The following FAM222B variants were observed in gnomAD, a reference collection of about 807,000 sequenced individuals.
FAM222B encodes the protein family with sequence similarity 222 member B, also known as protein FAM222B.
Under a neutral mutation model 38.0 loss-of-function variants are expected in FAM222B, and 12 were observed. The observed-to-expected ratio is 0.32, with a 90% CI of 0.20 to 0.51. The LOEUF (loss-of-function observed/expected upper bound fraction) is 0.51, where lower values mean the gene tolerates loss of function less well. FAM222B is among the 20% of genes least tolerant of loss of function. FAM222B has a pLI of 0.97. For missense variants in FAM222B, 716 were observed against 754.2 expected, an observed-to-expected ratio of 0.95 and a Z score of 0.59; for synonymous variants, 329 against 317.2, an observed-to-expected ratio of 1.04 and a Z score of -0.40.
chr17:28,840,209 A>AT (rs1326295086), intron 1 of FAM222B, among the ~76,000 whole-genome samples: 1 of 151,952 alleles, frequency 6.6e-6, no homozygotes. Flanking sequence ...TCTACTAAAA[A>AT]TACAAAAACT....
intron 1 of FAM222B, among the ~76,000 whole-genome samples, chr17:28,820,046 T>C (rs932687986): frequency 6.6e-6 from 1 of 152,186 alleles, no homozygotes; most frequent in African/African-American, 2.4e-5. Flanking sequence ...CCAACCTGCA[T>C]AAAGCTAAAA....
At chr17:28,837,343 T>C (rs980125948) in intron 1 of FAM222B, among the ~76,000 whole-genome samples, 1 of 141,580 alleles carries the variant, frequency 7.1e-6, no homozygotes, top group African/African-American at 2.7e-5. Flanking sequence ...GGCAGGAGAA[T>C]GGCGTGAACC....
chr17:28,770,085 ACTC>A (rs2035550171), intron 1 of FAM222B, among the ~76,000 whole-genome samples: 2 of 151,324 alleles, frequency 1.3e-5, no homozygotes, highest in Admixed American at 6.6e-5. Context: ...CCTGTTGTTA[ACTC>A]CTCTATTTCC....
intron 1 of FAM222B, among the ~76,000 whole-genome samples, chr17:28,801,759 T>C (rs1284891307): frequency 6.6e-6 from 1 of 152,104 alleles, no homozygotes; most frequent in Non-Finnish European, 1.5e-5. Flanking sequence ...ACAGACTTGA[T>C]ATATCTTTCC....
chr17:28,809,714 C>T (rs1346294799), intron 1 of FAM222B, among the ~76,000 whole-genome samples: 1 of 152,112 alleles, frequency 6.6e-6, no homozygotes, highest in Non-Finnish European at 1.5e-5. Flanking sequence ...CAGTGGCTCA[C>T]ACCTTAATCC....
At chr17:28,854,449 G>A (rs2039210185) in intron 1 of FAM222B, among the ~76,000 whole-genome samples, 1 of 152,166 alleles carries the variant, frequency 6.6e-6, no homozygotes, top group Non-Finnish European at 1.5e-5. Context: ...AAGGCTTACA[G>A]GAGGGAAATC....
At chr17:28,847,066 A>G (rs1185316811), upstream of FAM222B, among the ~76,000 whole-genome samples, 1 of 151,486 alleles carries the variant, frequency 6.6e-6, no homozygotes, top group East Asian at 1.9e-4. Flanking sequence ...TCTACTAAAA[A>G]TACCAAATTA....
intron 1 of FAM222B, among the ~76,000 whole-genome samples, chr17:28,788,890 C>T (rs906690941): frequency 6.6e-6 from 1 of 151,434 alleles, no homozygotes; most frequent in South Asian, 2.1e-4. Flanking sequence ...TACAGATGCC[C>T]GCCACCACAC....
At chr17:28,810,616 G>C (rs1035495916) in intron 1 of FAM222B, among the ~76,000 whole-genome samples, 1 of 152,100 alleles carries the variant, frequency 6.6e-6, no homozygotes, top group Non-Finnish European at 1.5e-5. Context: ...CAACATCTGG[G>C]GGATCCCCTT....
chr17:28,807,385 T>C (rs2037544989), intron 1 of FAM222B, among the ~76,000 whole-genome samples: 1 of 151,754 alleles, frequency 6.6e-6, no homozygotes, highest in South Asian at 2.1e-4. Flanking sequence ...TGTGTTTTTT[T>C]GTTTGTTTGT....
chr17:28,806,576 T>C (rs564300872), intron 1 of FAM222B, among the ~76,000 whole-genome samples: 1 of 152,290 alleles, frequency 6.6e-6, no homozygotes, highest in African/African-American at 2.4e-5. Context: ...GGCAATATAA[T>C]TGGGACGGCA....
intron 1 of FAM222B, among the ~76,000 whole-genome samples, chr17:28,792,471 C>T (rs2036744571): frequency 6.6e-6 from 1 of 151,834 alleles, no homozygotes; most frequent in East Asian, 1.9e-4. Flanking sequence ...CAGAGTGAGA[C>T]CCTGTCTCAA....
chr17:28,811,004 A>T (rs763786963), intron 1 of FAM222B, among the ~76,000 whole-genome samples: 13 of 152,190 alleles, frequency 8.5e-5, no homozygotes, highest in Non-Finnish European at 1.9e-4. Flanking sequence ...TGGGAAACTG[A>T]ACCTGTATTA....
chr17:28,784,105 G>C (rs1002623604), intron 1 of FAM222B, among the ~76,000 whole-genome samples: 2 of 152,036 alleles, frequency 1.3e-5, no homozygotes, highest in African/African-American at 4.8e-5. Context: ...ACCTGGCCGA[G>C]ATTATTTTGA....
intron 1 of FAM222B, among the ~76,000 whole-genome samples, chr17:28,833,009 T>TAAAAAAAAAAA (rs779596504): frequency 1.1e-5 from 1 of 90,800 alleles, no homozygotes. Context: ...CTGTCTCTAT[T>TAAAAAAAAAAA]AAAAAAAAAA....
chr17:28,782,315 C>T (rs1475612118), intron 1 of FAM222B, among the ~76,000 whole-genome samples: 1 of 151,916 alleles, frequency 6.6e-6, no homozygotes, highest in Non-Finnish European at 1.5e-5. Context: ...CAGTGAGACC[C>T]TGTCTTAAAA....
intron 1 of FAM222B, among the ~76,000 whole-genome samples, chr17:28,825,790 T>G (rs563603354): frequency 6.6e-6 from 1 of 152,318 alleles, no homozygotes; most frequent in African/African-American, 2.4e-5. Context: ...TTTGTTTTAT[T>G]TTTGAGATGG....
chr17:28,812,229 G>C lies in FAM222B; in HGVS notation c.-41+30453C>G, dbSNP rs1463051035. ...CACACCTTGCGCCCTGGAAAGGTGA[G>C]GTTCGCTCCGCAGCGCTCCGTGGGG... On this transcript the variant is annotated intron_variant, in intron 1 of 2. Coordinates refer to ENST00000581407, the MANE Select transcript of FAM222B (RefSeq NM_001077498.3). The C allele has an allele frequency of 2.0e-5, 3 of 152,298 alleles. No homozygotes were observed. In the South Asian group the frequency reaches 6.2e-4, roughly 32 times the overall value. 9.4% of individuals were successfully genotyped at this position (152,298 alleles called of 1,614,324 possible). A position where few individuals can be genotyped will look rare whatever the true frequency, so the allele number is the denominator to read the frequency against.
chr17:28,813,521 TTTC>T (rs1459663897), intron 1 of FAM222B, among the ~76,000 whole-genome samples: 1 of 143,998 alleles, frequency 6.9e-6, no homozygotes. Context: ...TTGACAGTTG[TTTC>T]TTTTTTTTTT....
Sources: allele counts gnomAD v4.1 joint callset (sites outside exome capture counted in the v4.1 genomes callset), GRCh38; gene constraint gnomAD v4.1.1; transcripts MANE v1.5; gene names NCBI Gene and HGNC (gene_info 2026-07-23, HGNC 2026-07-21).